Variants in TMEM178B observed in about 807,000 individuals in gnomAD.
The protein encoded by TMEM178B is transmembrane protein 178B.
Under a neutral mutation model 31.0 loss-of-function variants are expected in TMEM178B, and 5 were observed. The ratio of observed to expected loss-of-function variants is 0.16; its 90% CI spans 0.08 to 0.34. The LOEUF is 0.34. Among genes scored for constraint, TMEM178B ranks in the 10% least tolerant of loss-of-function variants. TMEM178B has a pLI of 1.00. For missense variants in TMEM178B, 275 were observed against 400.3 expected (o/e 0.69, Z 2.67); for synonymous variants, 164 against 164.0 (o/e 1.00, Z 0.00).
At chr7:141,279,221 A>G (rs1464442771) in intron 2 of TMEM178B, among the ~76,000 whole-genome samples, 1 of 152,160 alleles carries the variant, frequency 6.6e-6, no homozygotes, top group African/African-American at 2.4e-5. Context: ...GTCCAAAGCA[A>G]AATGAAAAAA....
rs951126064 is a variant in TMEM178B, at chr7:141,276,203, G to C, written c.496+63499G>C. Among the ~76,000 whole-genome samples, 17 of 152,198 alleles carry C rather than the reference G, an allele frequency of 1.1e-4. No individual in the cohort carries two copies. In the East Asian group the frequency reaches 3.3e-3, roughly 29 times the overall value. ...AGGAAGGGAGGGTCATAGAGAGCCG[G>C]GTGTGCCTGGGTGACAGCAGGCTGC... On this transcript the variant is annotated intron_variant, in intron 2 of 3. Coordinates refer to ENST00000565468, the MANE Select transcript of TMEM178B (RefSeq NM_001195278.2).
the TMEM178B span, among the ~76,000 whole-genome samples, chr7:141,490,077 C>CA: frequency 6.6e-6 from 1 of 152,154 alleles, no homozygotes; most frequent in Non-Finnish European, 1.5e-5. Flanking sequence ...TGAGGAGGGG[C>CA]TCCTAGGAGA....
At chr7:141,208,082 A>G (rs114821313) in intron 1 of TMEM178B, among the ~76,000 whole-genome samples, 2,043 of 152,228 alleles carry the variant, frequency 0.013, 44 homozygotes, top group African/African-American at 0.047. Context: ...AGTCACAGCT[A>G]TTGCAGAGGC....
intron 1 of TMEM178B, among the ~76,000 whole-genome samples, chr7:141,162,698 G>A (rs945381007): frequency 1.4e-4 from 22 of 152,294 alleles, no homozygotes; most frequent in African/African-American, 5.3e-4. Flanking sequence ...GCAAAAGATG[G>A]GGTCTGGTAT....
At chr7:141,189,308 G>T (rs547727079) in intron 1 of TMEM178B, among the ~76,000 whole-genome samples, 4 of 152,370 alleles carry the variant, frequency 2.6e-5, no homozygotes, top group African/African-American at 9.6e-5. Flanking sequence ...GTGGCTGCAG[G>T]GGCACCCAGA....
the TMEM178B span, among the ~76,000 whole-genome samples, chr7:141,487,253 C>G: frequency 1.3e-5 from 2 of 152,134 alleles, no homozygotes; most frequent in African/African-American, 2.4e-5. Flanking sequence ...TTTCCTTTGT[C>G]TCCTTTCAGC....
In TMEM178B at chr7:141,474,996, G is replaced by T. The variant is rs1802336369; in HGVS notation, c.*4210G>T. ...TTGGTGTGGTTTGTGGGGGATACTT[G>T]GTTGATTCTTGTAGTTAAAGTGAAG... On this transcript the variant is annotated 3_prime_UTR_variant, in exon 4 of 4. Transcript: ENST00000565468. 1 of 152,208 alleles carries T rather than the reference G, an allele frequency of 6.6e-6. No individual in the cohort carries two copies. The highest frequency in any genetic ancestry group is 6.5e-5 in the Admixed American group (1 of 15,288). 9.4% of individuals were successfully genotyped at this position (152,208 alleles called of 1,614,324 possible). A position where few individuals can be genotyped will look rare whatever the true frequency, so the allele number is the denominator to read the frequency against.
rs754548244 is a variant in TMEM178B at position 141,480,023 on chromosome 7, T to A, written c.*9237T>A. ...CTATTGTACTGTCTGTTCCTTCTCATAATTAATTAATTACAGGAAAGGCGA... is the reference window on the plus strand; with the variant it reads ...CTATTGTACTGTCTGTTCCTTCTCAAAATTAATTAATTACAGGAAAGGCGA... On this transcript the variant is annotated 3_prime_UTR_variant, in exon 4 of 4. Coordinates refer to ENST00000565468, the MANE Select transcript of TMEM178B (RefSeq NM_001195278.2). 2.6e-5 allele frequency: 4 copies of A among 152,214 alleles called. No individual in the cohort carries two copies. Among genetic ancestry groups the A allele is most frequent in the Non-Finnish European group, 5.9e-5 (4 of 68,026 alleles). The allele number at this position is 152,214 out of a possible 1,614,324, so 9.4% of individuals were successfully genotyped here.
chr7:141,372,200 C>T (rs1800130224), intron 2 of TMEM178B, among the ~76,000 whole-genome samples: 1 of 152,194 alleles, frequency 6.6e-6, no homozygotes, highest in South Asian at 2.1e-4. Flanking sequence ...GCTAATCCAG[C>T]AGCCAGTCCT....
chr7:141,152,306 C>T (rs1226811900), intron 1 of TMEM178B, among the ~76,000 whole-genome samples: 1 of 152,158 alleles, frequency 6.6e-6, no homozygotes, highest in African/African-American at 2.4e-5. Flanking sequence ...TTGCTCTCTG[C>T]AGGGAGGCCC....
chr7:141,180,386 G>T (rs1439686584), intron 1 of TMEM178B, among the ~76,000 whole-genome samples: 2 of 147,842 alleles, frequency 1.4e-5, no homozygotes, highest in African/African-American at 5.0e-5. Flanking sequence ...CTTGAACCCA[G>T]GAGGTGGAGT....
chr7:141,490,671 C>T, the TMEM178B span, among the ~76,000 whole-genome samples: 9 of 152,222 alleles, frequency 5.9e-5, no homozygotes, highest in African/African-American at 1.9e-4. Flanking sequence ...AGTGTGGAAT[C>T]TCCTTCTCCA....
the TMEM178B span, among the ~76,000 whole-genome samples, chr7:141,508,123 C>T: frequency 1.3e-5 from 2 of 152,284 alleles, no homozygotes; most frequent in East Asian, 1.9e-4. Flanking sequence ...TTTAACAGTA[C>T]CCAAGTCACC....
At chr7:141,320,492 G>C (rs1396651200) in intron 2 of TMEM178B, among the ~76,000 whole-genome samples, 1 of 152,086 alleles carries the variant, frequency 6.6e-6, no homozygotes. Context: ...GAGTTCAAAG[G>C]CTGTGTCTTT....
At position 141,471,395 on chromosome 7, in the gene TMEM178B, G is replaced by T. The variant is rs2116731610; in HGVS notation, c.*609G>T. 6.6e-6 allele frequency: 1 copy of T among 152,314 alleles called. No homozygotes were observed. Among genetic ancestry groups the T allele is most frequent in the Non-Finnish European group, 1.5e-5 (1 of 68,038 alleles). The allele number at this position is 152,314 out of a possible 1,614,324, so 9.4% of individuals were successfully genotyped here. A position where few individuals can be genotyped will look rare whatever the true frequency, so the allele number is the denominator to read the frequency against. Reference sequence around the variant, plus strand: ...CATAGGTGGGAAGGGAAGAGAACATGCTGAGAGGCAAGATCTGCATCAATG... The same window carrying T: ...CATAGGTGGGAAGGGAAGAGAACATTCTGAGAGGCAAGATCTGCATCAATG... On this transcript the variant is annotated 3_prime_UTR_variant, in exon 4 of 4. Coordinates refer to ENST00000565468, the MANE Select transcript of TMEM178B (RefSeq NM_001195278.2). This position sits in a 1 kb window ranked among gnomAD's most constrained non-coding sequence, Gnocchi z 4.1.
chr7:141,372,331 C>G (rs892633609), intron 2 of TMEM178B, among the ~76,000 whole-genome samples: 4 of 152,168 alleles, frequency 2.6e-5, no homozygotes. Flanking sequence ...CTGCTCGGGA[C>G]ACACAGATCT....
intron 3 of TMEM178B, among the ~76,000 whole-genome samples, chr7:141,468,410 G>A (rs1233098397): frequency 6.6e-6 from 1 of 152,204 alleles, no homozygotes; most frequent in Non-Finnish European, 1.5e-5. Context: ...AACCCATGAA[G>A]TGACCCACTT....
At chr7:141,238,053 A>G (rs58021078) in intron 2 of TMEM178B, among the ~76,000 whole-genome samples, 2,982 of 150,324 alleles carry the variant, frequency 0.02, 88 homozygotes, top group African/African-American at 0.069. Context: ...GAAATTAAGG[A>G]CAGGAGGAGG....
chr7:141,337,369 C>A (rs369699567), intron 2 of TMEM178B, among the ~76,000 whole-genome samples: 1 of 148,832 alleles, frequency 6.7e-6, no homozygotes, highest in Admixed American at 6.7e-5. Flanking sequence ...ACCCCACTAC[C>A]ACTGCCACTA....
Sources: allele counts gnomAD v4.1 joint callset (sites outside exome capture counted in the v4.1 genomes callset), GRCh38; gene constraint gnomAD v4.1.1; non-coding constraint Gnocchi (gnomAD v3.1); transcripts MANE v1.5; gene names NCBI Gene and HGNC (gene_info 2026-07-23, HGNC 2026-07-21).